The following PPFIBP2 variants were observed in gnomAD, a reference collection of about 807,000 sequenced individuals.
PPFIBP2 encodes liprin-beta-2.
In PPFIBP2, 118 loss-of-function variants were observed where a neutral mutation model predicts 118.3. That is an observed-to-expected ratio of 1.00 (90% CI 0.86 to 1.16). The LOEUF (loss-of-function observed/expected upper bound fraction) is 1.16, where lower values mean the gene tolerates loss of function less well. Among genes scored for constraint, PPFIBP2 ranks in the 50% most tolerant of loss-of-function variants. PPFIBP2 has a pLI of 0.00. For missense variants in PPFIBP2, 1,195 were observed against 1,073.1 expected (o/e 1.11, Z -1.59); for synonymous variants, 414 against 397.4 (o/e 1.04, Z -0.50).
chr11:7,666,577 C>T, the PPFIBP2 span: 1 of 1,555,676 alleles, frequency 6.4e-7, no homozygotes. Flanking sequence ...ACTGAAAAAG[C>T]CCCTCCAGGG....
chr11:7,597,857 A>AG (rs1160491157), intron 5 of PPFIBP2, 184 bp downstream of exon 5: 3 of 574,650 alleles, frequency 5.2e-6, no homozygotes, highest in African/African-American at 3.7e-5. Flanking sequence ...AGAGTGGCAG[A>AG]GGGGGTAGGG....
At chr11:7,618,043 A>T (rs1848882310) in intron 6 of PPFIBP2, among the ~76,000 whole-genome samples, 1 of 152,180 alleles carries the variant, frequency 6.6e-6, no homozygotes, top group African/African-American at 2.4e-5. Flanking sequence ...GAAAAGACCG[A>T]GGTCACAGCA....
chr11:7,554,980 C>T (rs1853439955), intron 2 of PPFIBP2, among the ~76,000 whole-genome samples: 1 of 150,334 alleles, frequency 6.7e-6, no homozygotes, highest in East Asian at 1.9e-4. Flanking sequence ...TAGTCTTCCT[C>T]CTGATTAGTC....
At chr11:7,657,869 T>C (rs1258434925), downstream of PPFIBP2, among the ~76,000 whole-genome samples, 1 of 152,242 alleles carries the variant, frequency 6.6e-6, no homozygotes, top group East Asian at 1.9e-4. Flanking sequence ...ATACCCGTCC[T>C]CACCACAAAC....
chr11:7,611,977 A>G (rs993490837), intron 6 of PPFIBP2, among the ~76,000 whole-genome samples: 7 of 152,252 alleles, frequency 4.6e-5, no homozygotes, highest in African/African-American at 7.2e-5. Context: ...TTGTATGTGA[A>G]CATACATTAG....
chr11:7,547,816 C>A (rs1360825026), intron 1 of PPFIBP2, among the ~76,000 whole-genome samples: 2 of 152,166 alleles, frequency 1.3e-5, no homozygotes, highest in Non-Finnish European at 2.9e-5. Flanking sequence ...TGCTTCTGAA[C>A]CTTCCTTGGC....
In PPFIBP2 at chr11:7,594,351, T is replaced by A. The variant is rs147869262; in HGVS notation, c.372+1127T>A. Among the ~76,000 whole-genome samples the A allele has an allele frequency of 2.8e-3, 430 of 152,366 alleles. 5 individuals are homozygous for A. Among genetic ancestry groups the A allele is most frequent in the African/African-American group, 1.0e-2 (414 of 41,580 alleles). On this transcript the variant is annotated intron_variant, in intron 4 of 23. Coordinates refer to ENST00000299492, the MANE Select transcript of PPFIBP2 (RefSeq NM_003621.5). ...TATAGTTTTACATTCCAGTTTTGTA[T>A]TTTTCTTCACTTCATTGATTTCTTC... is the stretch of plus-strand genomic sequence containing the variant.
downstream of PPFIBP2, among the ~76,000 whole-genome samples, chr11:7,657,282 T>G (rs966653235): frequency 1.3e-5 from 2 of 152,228 alleles, no homozygotes; most frequent in African/African-American, 4.8e-5. Context: ...AACGTGCTTT[T>G]TCCATTCTTG....
intron 8 of PPFIBP2, among the ~76,000 whole-genome samples, chr11:7,627,135 C>G (rs1850126421): frequency 6.6e-6 from 1 of 152,200 alleles, no homozygotes; most frequent in Non-Finnish European, 1.5e-5. Context: ...CTAAGCCTCC[C>G]AGGCCCTACC....
At chr11:7,574,331 G>C (rs1472434129) in intron 3 of PPFIBP2, among the ~76,000 whole-genome samples, 1 of 152,158 alleles carries the variant, frequency 6.6e-6, no homozygotes, top group Admixed American at 6.5e-5. Flanking sequence ...GAGGGGTCCA[G>C]TGAGTCTGAG....
intron 1 of PPFIBP2, among the ~76,000 whole-genome samples, chr11:7,518,719 C>G (rs1229926951): frequency 6.6e-6 from 1 of 152,060 alleles, no homozygotes; most frequent in Non-Finnish European, 1.5e-5. Flanking sequence ...GGAAATGAAC[C>G]GAGTCTTTTG....
chr11:7,532,728 GT>G (rs1246694167), intron 1 of PPFIBP2, among the ~76,000 whole-genome samples: 12 of 152,226 alleles, frequency 7.9e-5, no homozygotes, highest in Non-Finnish European at 1.2e-4. Flanking sequence ...AGGCCAGGCT[GT>G]TGTTGACAGT....
the PPFIBP2 span, among the ~76,000 whole-genome samples, chr11:7,663,644 G>A: frequency 6.6e-6 from 1 of 152,248 alleles, no homozygotes; most frequent in Non-Finnish European, 1.5e-5. Flanking sequence ...TACAGAGGCA[G>A]GCAGGCCTCC....
chr11:7,608,648 C>A (rs112775065), intron 5 of PPFIBP2, among the ~76,000 whole-genome samples: 4 of 125,570 alleles, frequency 3.2e-5, no homozygotes, highest in South Asian at 2.2e-4. Context: ...CTCAAAAAAA[C>A]AAACAAACAA....
At chr11:7,615,016 A>C (rs1350674350) in intron 6 of PPFIBP2, among the ~76,000 whole-genome samples, 1 of 152,170 alleles carries the variant, frequency 6.6e-6, no homozygotes, top group Non-Finnish European at 1.5e-5. Flanking sequence ...ACCTGTTAGG[A>C]GGTGGGCCAG....
the PPFIBP2 span, chr11:7,666,174 T>C: frequency 1.5e-4 from 91 of 598,552 alleles, no homozygotes; most frequent in Admixed American, 3.5e-4. Flanking sequence ...GGGTGGGTGT[T>C]CACAGTGGAC....
chr11:7,650,134 G>A (rs560317418), intron 21 of PPFIBP2, among the ~76,000 whole-genome samples: 5 of 152,190 alleles, frequency 3.3e-5, no homozygotes, highest in East Asian at 3.9e-4. Flanking sequence ...AATAGTATAC[G>A]TAAATAACAG....
intron 7 of PPFIBP2, 42 bp from the exon 8 acceptor site, chr11:7,625,735 C>A: frequency 6.5e-7 from 1 of 1,531,480 alleles, no homozygotes; most frequent in Non-Finnish European, 9.0e-7. Flanking sequence ...CATGATTTGG[C>A]AGTCCTTCTG....
the PPFIBP2 span, among the ~76,000 whole-genome samples, chr11:7,664,851 G>A: frequency 2.5e-5 from 3 of 121,826 alleles, no homozygotes; most frequent in South Asian, 2.8e-4. Flanking sequence ...ATGATACAAA[G>A]GATTTAAGGC....
Sources: allele counts gnomAD v4.1 joint callset (sites outside exome capture counted in the v4.1 genomes callset), GRCh38; gene constraint gnomAD v4.1.1; transcripts MANE v1.5; gene names NCBI Gene and HGNC (gene_info 2026-07-23, HGNC 2026-07-21).